Variants in CMTR1 observed in about 807,000 individuals in gnomAD.
The protein encoded by CMTR1 is cap methyltransferase 1.
CMTR1 carries 39 observed loss-of-function variants against 107.0 expected under a neutral mutation model. That is an observed-to-expected ratio of 0.36 (90% CI 0.28 to 0.48). The LOEUF (loss-of-function observed/expected upper bound fraction) is 0.48, where lower values mean the gene tolerates loss of function less well. Ranked by LOEUF, CMTR1 falls within the 20% of genes least tolerant of loss-of-function variation. CMTR1 has a pLI of 0.99. For missense variants in CMTR1, 672 were observed against 1,064.9 expected (o/e 0.63, Z 5.14); for synonymous variants, 366 against 379.5 (o/e 0.96, Z 0.41).
At position 37,465,602 on chromosome 6, in the gene CMTR1, C is replaced by T. The variant is rs1761491112; in HGVS notation, c.1505+2594C>T. On this transcript the variant is annotated intron_variant, in intron 13 of 23. Transcript: ENST00000373451. ...CAGGAATTATTTTACATTCTGGATACAAGTCCTGTGAGTAGCTGGAGTAGC... is the reference window on the plus strand; with the variant it reads ...CAGGAATTATTTTACATTCTGGATATAAGTCCTGTGAGTAGCTGGAGTAGC... Among the ~76,000 whole-genome samples the T allele has an allele frequency of 3.9e-5, 6 of 152,142 alleles. No homozygotes were observed. The South Asian group carries it at 1.2e-3, about 31-fold the overall frequency.
rs1352019797 is a variant in CMTR1, at chr6:37,462,920, A to G, written c.1417A>G (p.Thr473Ala). The change falls in exon 13 of 24, where the codon ACG becomes GCG. Residue 473 changes from threonine to alanine, a missense_variant. Physicochemically the swap from Thr to Ala is moderately conservative, Grantham distance 58. Coordinates refer to ENST00000373451, the MANE Select transcript of CMTR1 (RefSeq NM_015050.3). ...TATTAAACTCAATCAGCTGCGGAAC[A>G]CGGATTCCGACGTCAACTTGGTGGT... ...VNIKLNQLRN[T>A]DSDVNLVVPL... is the part of the protein sequence containing the mutation. 2 of 1,614,180 alleles carry G rather than the reference A, an allele frequency of 1.2e-6. No individual in the cohort carries two copies. The highest frequency in any genetic ancestry group is 1.7e-5 in the Admixed American group (1 of 60,026).
At chr6:37,476,996 G>T (rs1382963756) in intron 20 of CMTR1, among the ~76,000 whole-genome samples, 2 of 152,040 alleles carry the variant, frequency 1.3e-5, no homozygotes, top group African/African-American at 4.8e-5. Flanking sequence ...GGGGAACCCT[G>T]CCTTCATTGC....
At chr6:37,433,783 A>C (rs1435821954) in intron 1 of CMTR1, among the ~76,000 whole-genome samples, 1 of 152,186 alleles carries the variant, frequency 6.6e-6, no homozygotes, top group African/African-American at 2.4e-5. Context: ...TCCCTGCCAG[A>C]GCATTCTGCT....
At chr6:37,425,145 T>C in the CMTR1 span, among the ~76,000 whole-genome samples, 1 of 151,800 alleles carries the variant, frequency 6.6e-6, no homozygotes, top group Non-Finnish European at 1.5e-5. Context: ...GATTTCACCA[T>C]GTTGGCCAGG....
At chr6:37,461,061 G>GA (rs1761394074) in intron 10 of CMTR1, among the ~76,000 whole-genome samples, 1 of 152,204 alleles carries the variant, frequency 6.6e-6, no homozygotes, top group African/African-American at 2.4e-5. Context: ...AGTCAACAGA[G>GA]AGAGATTACT....
intron 8 of CMTR1, among the ~76,000 whole-genome samples, chr6:37,457,882 G>T (rs1485286560): frequency 6.6e-6 from 1 of 152,066 alleles, no homozygotes; most frequent in African/African-American, 2.4e-5. Context: ...CCCTGATTTA[G>T]CTTTGTTGCA....
Position 37,477,573 on chromosome 6 carries a change from T to C in CMTR1, c.2106-19T>C. ...TCCCCCAGGAAGCCTTTGTCTTGTC[T>C]CTGTCCCTCTACCTGCAGGGTGAAG... On this transcript the variant is annotated intron_variant, in intron 20 of 23. Transcript: ENST00000373451. 1.2e-6 allele frequency: 2 copies of C among 1,612,742 alleles called. No individual in the cohort carries two copies. The highest frequency in any genetic ancestry group is 4.5e-5 in the East Asian group (2 of 44,862).
the CMTR1 span, among the ~76,000 whole-genome samples, chr6:37,424,446 G>A: frequency 0.012 from 1,791 of 150,952 alleles, 29 homozygotes; most frequent in African/African-American, 0.041. Flanking sequence ...GACGGGTTTC[G>A]CCGTGTTAGC....
the CMTR1 span, among the ~76,000 whole-genome samples, chr6:37,428,008 C>CAGAGAGAGAGAGAGAGAGAG: frequency 2.1e-4 from 24 of 114,858 alleles, no homozygotes; most frequent in Admixed American, 2.9e-4. Flanking sequence ...GCAACAGAGA[C>CAGAGAGAGAGAGAGAGAGAG]AGAGAGAGAG....
intron 4 of CMTR1, among the ~76,000 whole-genome samples, chr6:37,447,281 G>A (rs1771817199): frequency 6.6e-6 from 1 of 152,162 alleles, no homozygotes; most frequent in African/African-American, 2.4e-5. Flanking sequence ...GAAGTCCCGT[G>A]AATCTGCATG....
the CMTR1 span, among the ~76,000 whole-genome samples, chr6:37,426,439 TG>T: frequency 6.6e-6 from 1 of 152,180 alleles, no homozygotes; most frequent in Non-Finnish European, 1.5e-5. Context: ...TGCTGTTTTT[TG>T]TATTTGTTTT....
Position 37,453,313 on chromosome 6 carries a change from G to GT in CMTR1, c.777+2dup. The GT allele has an allele frequency of 6.2e-7, 1 of 1,613,894 alleles. No homozygotes were observed. Among genetic ancestry groups the GT allele is most frequent in the Non-Finnish European group, 8.5e-7 (1 of 1,179,748 alleles). On this transcript the variant is annotated splice_donor_variant, in intron 8 of 23. Coordinates refer to ENST00000373451, the MANE Select transcript of CMTR1 (RefSeq NM_015050.3). LOFTEE classifies it high-confidence loss of function. Reference sequence around the variant, plus strand: ...CACAAATCCGCGGGACTCTTATGGGGTGAGAACAAGATTCTGCTTCTGAAT... The same window carrying GT: ...CACAAATCCGCGGGACTCTTATGGGGTTGAGAACAAGATTCTGCTTCTGAAT...
At chr6:37,432,751 G>C (rs988308863), upstream of CMTR1, among the ~76,000 whole-genome samples, 2 of 152,202 alleles carry the variant, frequency 1.3e-5, no homozygotes, top group African/African-American at 2.4e-5. Context: ...AGAGAGGTTT[G>C]AGATGGAGAG....
chr6:37,437,934 A>T (rs1366428128), intron 2 of CMTR1, among the ~76,000 whole-genome samples: 1 of 152,170 alleles, frequency 6.6e-6, no homozygotes, highest in Non-Finnish European at 1.5e-5. Flanking sequence ...CAGGTAAAAG[A>T]AGGTAAGTGT....
At chr6:37,455,322 G>C (rs1356346551) in intron 8 of CMTR1, among the ~76,000 whole-genome samples, 1 of 152,160 alleles carries the variant, frequency 6.6e-6, no homozygotes, top group Non-Finnish European at 1.5e-5. Flanking sequence ...AAGGTGATCC[G>C]CCTGCCTTGG....
In CMTR1 at chr6:37,475,537, C is replaced by T. The variant is rs533156323; in HGVS notation, c.2036+125C>T. The T allele has an allele frequency of 1.1e-4, 86 of 767,500 alleles. 1 individual carries two copies. The East Asian group carries it at 2.3e-3, about 20-fold the overall frequency. The allele number at this position is 767,500 out of a possible 1,614,324, so 47.5% of individuals were successfully genotyped here. ...TGCTTGTTGACATCCTGAGAGTTTC[C>T]CCCTCCCACCCACTGACTGGTCCCA... On this transcript the variant is annotated intron_variant, in intron 19 of 23. Coordinates refer to ENST00000373451, the MANE Select transcript of CMTR1 (RefSeq NM_015050.3).
chr6:37,428,697 A>G (rs1480376406), upstream of CMTR1, among the ~76,000 whole-genome samples: 3 of 152,132 alleles, frequency 2.0e-5, no homozygotes, highest in Non-Finnish European at 4.4e-5. Context: ...ACCTCAGGTA[A>G]TCCACCTGCC....
intron 2 of CMTR1, 83 bp downstream of exon 2, chr6:37,435,845 A>G: frequency 7.1e-7 from 1 of 1,408,568 alleles, no homozygotes; most frequent in East Asian, 2.7e-5. Flanking sequence ...AGCAGACTAT[A>G]GTCCACTGCC....
chr6:37,432,686 G>A (rs1771409011), upstream of CMTR1, among the ~76,000 whole-genome samples: 1 of 152,218 alleles, frequency 6.6e-6, no homozygotes, highest in East Asian at 1.9e-4. Context: ...GGGGTTTGAG[G>A]TGACTGAGTG....
Sources: allele counts gnomAD v4.1 joint callset (sites outside exome capture counted in the v4.1 genomes callset), GRCh38; gene constraint gnomAD v4.1.1; transcripts MANE v1.5; gene names NCBI Gene and HGNC (gene_info 2026-07-23, HGNC 2026-07-21).